CFAP77: variants seen among roughly 807,000 people sequenced by gnomAD.
CFAP77 encodes the protein cilia- and flagella-associated protein 77.
CFAP77 carries 25 observed loss-of-function variants against 31.1 expected under a neutral mutation model. The ratio of observed to expected loss-of-function variants is 0.80; its 90% CI spans 0.59 to 1.12. The LOEUF (loss-of-function observed/expected upper bound fraction) is 1.12, where lower values mean the gene tolerates loss of function less well. Ranked by LOEUF, CFAP77 falls within the 50% of genes most tolerant of loss-of-function variation. The pLI is 0.00. For missense variants in CFAP77, 377 were observed against 397.3 expected, an observed-to-expected ratio of 0.95 and a Z score of 0.44; for synonymous variants, 151 against 159.9, an observed-to-expected ratio of 0.94 and a Z score of 0.42.
At chr9:132,523,735 A>G (rs1211142449) in intron 3 of CFAP77, among the ~76,000 whole-genome samples, 1 of 152,182 alleles carries the variant, frequency 6.6e-6, no homozygotes, top group Non-Finnish European at 1.5e-5. Flanking sequence ...TTCTAATTAC[A>G]AAAAGCAATC....
rs1202536698 is a variant in CFAP77, at chr9:132,455,471, G to GTAC, written c.196-43222_196-43220dup. ...TGCGGTGAGCTGAGATCGTGCCACT[G>GTAC]TACTCTAGCCTGGGTGGCAGAGCGA... is the stretch of plus-strand genomic sequence containing the variant. On this transcript the variant is annotated intron_variant, in intron 1 of 5. Coordinates refer to ENST00000393216, the MANE Select transcript of CFAP77 (RefSeq NM_001282957.2). The surrounding 1 kb of genome is among the most constrained non-coding windows in gnomAD (Gnocchi z 4.1). 1.3e-5 allele frequency among the ~76,000 whole-genome samples: 2 copies of GTAC among 150,658 alleles called. No individual in the cohort carries two copies. The highest frequency in any genetic ancestry group is 3.2e-3 in the Middle Eastern group (1 of 314).
rs569600919 is a variant in CFAP77 at position 132,568,914 on chromosome 9, G to A, written c.733-3474G>A. Among the ~76,000 whole-genome samples the A allele has an allele frequency of 2.0e-5, 3 of 152,250 alleles. No individual in the cohort carries two copies. In the South Asian group the frequency reaches 6.2e-4, roughly 32 times the overall value. ...AGGGTTTCACCATGCTGCCTAGGCT[G>A]GTCTCTAACTCCTGGGCTCAAGCAA... On this transcript the variant is annotated intron_variant, in intron 5 of 5. Coordinates refer to ENST00000393216, the MANE Select transcript of CFAP77 (RefSeq NM_001282957.2).
In CFAP77 at chr9:132,552,763, C is replaced by T. The variant is rs920065073; in HGVS notation, c.732+9716C>T. Among the ~76,000 whole-genome samples, 2 of 151,954 alleles carry T rather than the reference C, an allele frequency of 1.3e-5. No homozygotes were observed. The highest frequency in any genetic ancestry group is 2.1e-4 in the South Asian group (1 of 4,814). ...TCTGATCCAGTGGGTCTGGGACAGCCACCAAACCTGTATTTTCAGCAAGCC... is the reference window on the plus strand; with the variant it reads ...TCTGATCCAGTGGGTCTGGGACAGCTACCAAACCTGTATTTTCAGCAAGCC... On this transcript the variant is annotated intron_variant, in intron 5 of 5. Transcript: ENST00000393216. This position sits in a 1 kb window ranked among gnomAD's most constrained non-coding sequence, Gnocchi z 5.5.
intron 1 of CFAP77, among the ~76,000 whole-genome samples, chr9:132,458,357 G>GGGGGGGGGGTGT (rs139008147): frequency 8.4e-6 from 1 of 119,046 alleles, no homozygotes; most frequent in Non-Finnish European, 1.7e-5. Flanking sequence ...GAGGGGGGGG[G>GGGGGGGGGGTGT]GTGTGTATGG....
chr9:132,542,185 G>T (rs374186071), intron 4 of CFAP77, among the ~76,000 whole-genome samples: 2 of 152,328 alleles, frequency 1.3e-5, no homozygotes, highest in African/African-American at 4.8e-5. Context: ...GCTGCCCTGA[G>T]CCAGGTCTGT....
Position 132,476,959 on chromosome 9 carries a change from C to T in CFAP77, c.196-21736C>T, listed in dbSNP as rs569112592. On this transcript the variant is annotated intron_variant, in intron 1 of 5. Transcript: ENST00000393216. ...CAGCCACAAGAAACGGATACAGAGG[C>T]GATGGTTTGGGGCCAGGAATGCATG... Among the ~76,000 whole-genome samples, 5 of 152,340 alleles carry T rather than the reference C, an allele frequency of 3.3e-5. No individual in the cohort carries two copies. In the South Asian group the frequency reaches 6.2e-4, roughly 19 times the overall value.
At chr9:132,431,796 G>A (rs944304006) in intron 1 of CFAP77, among the ~76,000 whole-genome samples, 15 of 152,160 alleles carry the variant, frequency 9.9e-5, no homozygotes, top group Non-Finnish European at 2.1e-4. Context: ...TTTACTCAAA[G>A]ACATATTAGG....
chr9:132,458,914 C>A (rs1486870532), intron 1 of CFAP77, among the ~76,000 whole-genome samples: 1 of 152,170 alleles, frequency 6.6e-6, no homozygotes, highest in African/African-American at 2.4e-5. Flanking sequence ...TGAAGTCACA[C>A]TCTTCCTCCA....
intron 1 of CFAP77, among the ~76,000 whole-genome samples, chr9:132,469,858 A>C (rs190774848): frequency 0.013 from 1,267 of 99,412 alleles, 27 homozygotes; most frequent in African/African-American, 0.079. Flanking sequence ...TTTTTTTTTG[A>C]GATGGAGTTT....
intron 3 of CFAP77, among the ~76,000 whole-genome samples, chr9:132,514,807 A>G (rs958134967): frequency 1.3e-5 from 2 of 152,210 alleles, no homozygotes; most frequent in African/African-American, 4.8e-5. Context: ...ATTAGTTCTA[A>G]GAGTCCTGCT....
intron 3 of CFAP77, among the ~76,000 whole-genome samples, chr9:132,503,027 C>T (rs531191909): frequency 6.6e-6 from 1 of 152,286 alleles, no homozygotes; most frequent in African/African-American, 2.4e-5. Flanking sequence ...GTAAGTTTTC[C>T]CACCTCTCGT....
chr9:132,448,818 C>T (rs1440078746), intron 1 of CFAP77, among the ~76,000 whole-genome samples: 2 of 152,148 alleles, frequency 1.3e-5, no homozygotes, highest in East Asian at 3.8e-4. Context: ...AACTCCTGAC[C>T]TCAGGTGATC....
intron 1 of CFAP77, among the ~76,000 whole-genome samples, chr9:132,478,406 A>C (rs1851387226): frequency 6.6e-6 from 1 of 152,098 alleles, no homozygotes; most frequent in African/African-American, 2.4e-5. Flanking sequence ...TGTCAGTGCC[A>C]GTGGCTCCGG....
At chr9:132,485,040 G>C (rs755693365) in intron 1 of CFAP77, among the ~76,000 whole-genome samples, 18 of 151,870 alleles carry the variant, frequency 1.2e-4, no homozygotes, top group Non-Finnish European at 2.4e-4. Flanking sequence ...GTAGAGACAG[G>C]GTTTCACCAT....
intron 1 of CFAP77, among the ~76,000 whole-genome samples, chr9:132,449,998 C>T (rs1226844966): frequency 1.3e-5 from 2 of 152,084 alleles, no homozygotes; most frequent in African/African-American, 2.4e-5. Context: ...CTGCAAGCTC[C>T]GCCTCCCGGG....
At chr9:132,422,729 G>A (rs1850241088) in intron 1 of CFAP77, among the ~76,000 whole-genome samples, 1 of 152,164 alleles carries the variant, frequency 6.6e-6, no homozygotes, top group Admixed American at 6.5e-5. Context: ...AATACACAAA[G>A]GGCTGAGAGA....
intron 1 of CFAP77, among the ~76,000 whole-genome samples, chr9:132,468,939 A>T (rs180925379): frequency 1.3e-5 from 2 of 152,296 alleles, no homozygotes; most frequent in Non-Finnish European, 2.9e-5. Flanking sequence ...AACATTTTCC[A>T]GCCCCCAGAC....
At chr9:132,478,772 C>A (rs1239843837) in intron 1 of CFAP77, among the ~76,000 whole-genome samples, 1 of 152,214 alleles carries the variant, frequency 6.6e-6, no homozygotes, top group Non-Finnish European at 1.5e-5. Flanking sequence ...GCATTTAGAT[C>A]TCCTTGGCTC....
intron 3 of CFAP77, among the ~76,000 whole-genome samples, chr9:132,519,572 ATAGATGGATGGATGG>A (rs1852222546): frequency 9.5e-6 from 1 of 105,346 alleles, no homozygotes; most frequent in Non-Finnish European, 2.0e-5. Flanking sequence ...GGATGGATGG[ATAGATGGATGGATGG>A]ATGGATGGAT....
Sources: gnomAD v4.1 joint callset for allele counts (sites outside exome capture counted in the v4.1 genomes callset) on GRCh38, gnomAD v4.1.1 for gene constraint, Gnocchi (gnomAD v3.1) non-coding constraint, MANE v1.5 for transcripts, NCBI Gene and HGNC (gene_info 2026-07-23, HGNC 2026-07-21) for gene names.